ARHGEF1: variants seen among roughly 807,000 people sequenced by gnomAD.
ARHGEF1 encodes the protein Rho guanine nucleotide exchange factor 1.
ARHGEF1 carries 40 observed loss-of-function variants against 119.7 expected under a neutral mutation model. The ratio of observed to expected loss-of-function variants is 0.33; its 90% CI spans 0.26 to 0.44. The LOEUF is 0.44. Ranked by LOEUF, ARHGEF1 falls within the 20% of genes least tolerant of loss-of-function variation. The probability of loss-of-function intolerance (pLI) is 1.00; values close to 1 mark genes in which losing one functional copy is unlikely to be tolerated. For synonymous variants in ARHGEF1, 494 were observed against 521.0 expected (o/e 0.95, Z 0.71); for missense variants, 976 against 1,268.3 (o/e 0.77, Z 3.50).
At chr19:41,919,510 C>G (rs546245372), upstream of ARHGEF1, among the ~76,000 whole-genome samples, 1 of 133,846 alleles carries the variant, frequency 7.5e-6, no homozygotes, top group South Asian at 2.2e-4. Context: ...CACGTGCACG[C>G]GTACACACAC....
In ARHGEF1 at chr19:41,892,894, A is replaced by G. The variant is rs2074400177; in HGVS notation, c.614+45A>G. 6.9e-7 allele frequency: 1 copy of G among 1,451,748 alleles called. No individual in the cohort carries two copies. Among genetic ancestry groups the G allele is most frequent in the Non-Finnish European group, 9.1e-7 (1 of 1,102,404 alleles). 89.9% of individuals were successfully genotyped at this position (1,451,748 alleles called of 1,614,324 possible). ...TGGGAGCGTCGCCCCTCCCCAGCACAAGGGCACCCGTGCTACCTCTGGCAT... is the reference window on the plus strand; with the variant it reads ...TGGGAGCGTCGCCCCTCCCCAGCACGAGGGCACCCGTGCTACCTCTGGCAT... On this transcript the variant is annotated intron_variant, in intron 7 of 28. Transcript: ENST00000354532. The surrounding 1 kb of genome is among the most constrained non-coding windows in gnomAD (Gnocchi z 6.3).
At chr19:41,919,731 T>C (rs2074827001), upstream of ARHGEF1, among the ~76,000 whole-genome samples, 1 of 152,098 alleles carries the variant, frequency 6.6e-6, no homozygotes, top group Non-Finnish European at 1.5e-5. Flanking sequence ...AGGGTCGCAC[T>C]CACTTGGTCC....
chr19:41,918,952 A>T (rs1050697084), upstream of ARHGEF1, among the ~76,000 whole-genome samples: 1 of 146,062 alleles, frequency 6.8e-6, no homozygotes, highest in African/African-American at 2.6e-5. Flanking sequence ...CTCACCATAC[A>T]CACATGCACA....
rs1183749871 is a variant in ARHGEF1 at position 41,906,247 on chromosome 19, C to T, written c.2492-210C>T. On this transcript the variant is annotated intron_variant, in intron 26 of 28. Transcript: ENST00000354532. This position sits in a 1 kb window ranked among gnomAD's most constrained non-coding sequence, Gnocchi z 4.5. ...ATATTTAGCCTCTTCCTGAACACAT[C>T]TCTGTCTTCAGTACCTTCCTGCCCT... is the stretch of plus-strand genomic sequence containing the variant. 4 of 660,950 alleles carry T rather than the reference C, an allele frequency of 6.1e-6. No individual in the cohort carries two copies. The highest frequency in any genetic ancestry group is 1.9e-5 in the South Asian group (1 of 51,946). The allele number at this position is 660,950 out of a possible 1,614,324, so 40.9% of individuals were successfully genotyped here. A position where few individuals can be genotyped will look rare whatever the true frequency, so the allele number is the denominator to read the frequency against.
upstream of ARHGEF1, among the ~76,000 whole-genome samples, chr19:41,919,032 A>G (rs1311803653): frequency 6.6e-6 from 1 of 150,700 alleles, no homozygotes; most frequent in Non-Finnish European, 1.5e-5. Flanking sequence ...CACAGACACT[A>G]TACATCACAC....
chr19:41,917,676 C>T lies in ARHGEF1; in HGVS notation c.1866-5416C>T, dbSNP rs1165854080. On this transcript the variant is annotated intron_variant, in intron 18 of 20. Transcript: ENST00000599589. The surrounding 1 kb of genome is among the most constrained non-coding windows in gnomAD (Gnocchi z 4.8). Reference sequence around the variant, plus strand: ...CGCACGCACACACACACCCTGACTGCACCCACCCATGGCCACACGTTCAGG... The same window carrying T: ...CGCACGCACACACACACCCTGACTGTACCCACCCATGGCCACACGTTCAGG... Among the ~76,000 whole-genome samples, 1 of 151,840 alleles carries T rather than the reference C, an allele frequency of 6.6e-6. No homozygotes were observed. Among genetic ancestry groups the T allele is most frequent in the Non-Finnish European group, 1.5e-5 (1 of 67,948 alleles).
At chr19:41,915,084 C>A (rs1238438936) in intron 18 of ARHGEF1, among the ~76,000 whole-genome samples, 3 of 119,282 alleles carry the variant, frequency 2.5e-5, no homozygotes, top group Non-Finnish European at 5.3e-5. Flanking sequence ...ATCGCTCTCC[C>A]ACCTCCCGCT....
Position 41,888,198 on chromosome 19 carries a change from C to G in ARHGEF1, c.31C>G (p.Pro11Ala). The change falls in exon 3 of 29, where the codon CCA (proline) becomes GCA (alanine). Residue 11 changes from proline to alanine, a missense_variant. Physicochemically the swap from Pro to Ala is conservative, Grantham distance 27. Coordinates refer to ENST00000354532, the MANE Select transcript of ARHGEF1 (RefSeq NM_004706.4). This position sits in a 1 kb window ranked among gnomAD's most constrained non-coding sequence, Gnocchi z 5.1. ...CTGCCCTCCCTTTCCACAGGCCTCC[C>G]CAGGCCCCTCCCGGCCTGGCCTGGT... MEDFARGAAS[P>A]GPSRPGLVPV... The G allele has an allele frequency of 6.2e-7, 1 of 1,614,174 alleles. No homozygotes were observed. The highest frequency in any genetic ancestry group is 8.5e-7 in the Non-Finnish European group (1 of 1,180,004).
At chr19:41,909,867 G>A, downstream of ARHGEF1, 1 of 1,609,556 alleles carries the variant, frequency 6.2e-7, no homozygotes, top group African/African-American at 1.3e-5. This position sits in a 1 kb window ranked among gnomAD's most constrained non-coding sequence, Gnocchi z 5.2. Flanking sequence ...CCTCACCGCA[G>A]GGCCCGGCTC....
At position 41,892,357 on chromosome 19, in the gene ARHGEF1, C is replaced by T. The variant is rs782645676; in HGVS notation, c.351C>T (p.Asn117=). ...TTCTCCGGGTGCCGGTCCCTCCCAACGTCGCCTTTGAACTTGGTAAGGAGA... is the reference window on the plus strand; with the variant it reads ...TTCTCCGGGTGCCGGTCCCTCCCAATGTCGCCTTTGAACTTGGTAAGGAGA... ...TAVLRVPVPP[N]VAFELDRTRA... Residue 117 remains asparagine (N), a synonymous_variant, in exon 6 of 29, where the codon AAC becomes AAT. Coordinates refer to ENST00000354532, the MANE Select transcript of ARHGEF1 (RefSeq NM_004706.4). The surrounding 1 kb of genome is among the most constrained non-coding windows in gnomAD (Gnocchi z 6.3). The T allele has an allele frequency of 2.7e-5, 44 of 1,613,964 alleles. No homozygotes were observed. The highest frequency in any genetic ancestry group is 1.6e-4 in the Middle Eastern group (1 of 6,084).
At chr19:41,894,362 C>T (rs2074441514) in intron 9 of ARHGEF1, 56 bp downstream of exon 9, 2 of 1,513,714 alleles carry the variant, frequency 1.3e-6, no homozygotes, top group Non-Finnish European at 1.8e-6. Context: ...GCCCTGGGAG[C>T]CTCATGACTC....
Position 41,888,369 on chromosome 19 carries a change from T to G in ARHGEF1, c.111+91T>G. ...ACCTGCAGATGCTGTCTTCTTGGCC[T>G]TTTCCCACGGTCTGTCTCATCCTCT... On this transcript the variant is annotated intron_variant, in intron 3 of 28. Transcript: ENST00000354532. This position sits in a 1 kb window ranked among gnomAD's most constrained non-coding sequence, Gnocchi z 5.1. 7.7e-7 allele frequency: 1 copy of G among 1,301,668 alleles called. No individual in the cohort carries two copies. Among genetic ancestry groups the G allele is most frequent in the Non-Finnish European group, 1.1e-6 (1 of 920,360 alleles). The allele number at this position is 1,301,668 out of a possible 1,614,324, so 80.6% of individuals were successfully genotyped here.
At chr19:41,911,793 A>G (rs1349170979), downstream of ARHGEF1, among the ~76,000 whole-genome samples, 2 of 152,138 alleles carry the variant, frequency 1.3e-5, no homozygotes, top group Non-Finnish European at 2.9e-5. Flanking sequence ...ATCTGTCCTC[A>G]AATGCACACC....
intron 1 of ARHGEF1, among the ~76,000 whole-genome samples, chr19:41,887,476 G>C (rs1464661587): frequency 6.6e-6 from 1 of 152,078 alleles, no homozygotes; most frequent in African/African-American, 2.4e-5. Context: ...TTCTGGGTTT[G>C]GGGACTCCCA....
upstream of ARHGEF1, among the ~76,000 whole-genome samples, chr19:41,922,596 G>C (rs1555852606): frequency 6.6e-6 from 1 of 152,120 alleles, no homozygotes; most frequent in East Asian, 1.9e-4. Context: ...GAACCGGAGA[G>C]AGACTCCGAG....
chr19:41,918,934 A>G (rs932270158), upstream of ARHGEF1, among the ~76,000 whole-genome samples: 6 of 148,520 alleles, frequency 4.0e-5, no homozygotes, highest in African/African-American at 7.5e-5. Flanking sequence ...TGCACACCAC[A>G]TACACTACTC....
chr19:41,885,405 A>AG (rs1555845085), intron 1 of ARHGEF1, among the ~76,000 whole-genome samples: 1 of 152,242 alleles, frequency 6.6e-6, no homozygotes. Flanking sequence ...TCTGAAGGGT[A>AG]GGGTGGGGGC....
chr19:41,897,355 G>A, intron 13 of ARHGEF1: 1 of 1,233,728 alleles, frequency 8.1e-7, no homozygotes, highest in Middle Eastern at 2.3e-4. Context: ...GGTGGGGGAA[G>A]GGCTAGCCCC....
chr19:41,908,905 A>G (rs1198757361), downstream of ARHGEF1, among the ~76,000 whole-genome samples: 13 of 148,324 alleles, frequency 8.8e-5, no homozygotes, highest in Admixed American at 8.1e-4. The surrounding 1 kb of genome is among the most constrained non-coding windows in gnomAD (Gnocchi z 6.7). Context: ...CCTCCCTCAC[A>G]TCACATCCTT....
Sources: allele counts gnomAD v4.1 joint callset (sites outside exome capture counted in the v4.1 genomes callset), GRCh38; gene constraint gnomAD v4.1.1; non-coding constraint Gnocchi (gnomAD v3.1); transcripts MANE v1.5; gene names NCBI Gene and HGNC (gene_info 2026-07-23, HGNC 2026-07-21).